POU6F2: variants seen among roughly 807,000 people sequenced by gnomAD.
POU6F2 encodes POU class 6 homeobox 2.
In POU6F2, 31 loss-of-function variants were observed where a neutral mutation model predicts 71.3. The ratio of observed to expected loss-of-function variants is 0.43; its 90% CI spans 0.33 to 0.59. The LOEUF is 0.59. Among genes scored for constraint, POU6F2 ranks in the 20% least tolerant of loss-of-function variants. The pLI, the probability that POU6F2 is intolerant of heterozygous loss-of-function variation, is 0.04. For synonymous variants in POU6F2, 347 were observed against 355.7 expected (o/e 0.98, Z 0.27); for missense variants, 783 against 856.8 (o/e 0.91, Z 1.07).
chr7:39,040,798 T>C (rs1273557668), intron 1 of POU6F2, among the ~76,000 whole-genome samples: 2 of 151,930 alleles, frequency 1.3e-5, no homozygotes, highest in Non-Finnish European at 2.9e-5. Flanking sequence ...AATTACAACA[T>C]GGTACTTTGC....
rs114441139 is a variant in POU6F2 at position 39,250,506 on chromosome 7, A to C, written c.598+42886A>C. Among the ~76,000 whole-genome samples, 408 of 152,260 alleles carry C rather than the reference A, an allele frequency of 2.7e-3. 3 individuals carry two copies. The highest frequency in any genetic ancestry group is 8.6e-3 in the African/African-American group (358 of 41,538). On this transcript the variant is annotated intron_variant, in intron 4 of 9. Transcript: ENST00000518318. ...TTAATAGCCACCTTCCATTTAACCTACTTTGGCCCTGTTTGAGATCTCCTT... is the reference window on the plus strand; with the variant it reads ...TTAATAGCCACCTTCCATTTAACCTCCTTTGGCCCTGTTTGAGATCTCCTT...
At chr7:39,352,733 T>G (rs958753511) in intron 5 of POU6F2, among the ~76,000 whole-genome samples, 4 of 152,188 alleles carry the variant, frequency 2.6e-5, no homozygotes, top group Non-Finnish European at 5.9e-5. Context: ...AAGACAATGG[T>G]TTCCTTTTTT....
At chr7:39,379,204 A>T (rs1485003023) in intron 5 of POU6F2, among the ~76,000 whole-genome samples, 1 of 152,190 alleles carries the variant, frequency 6.6e-6, no homozygotes, top group East Asian at 1.9e-4. Context: ...TCTCGTGGAA[A>T]TACACAACAG....
intron 1 of POU6F2, among the ~76,000 whole-genome samples, chr7:39,008,339 C>G (rs1477904755): frequency 6.6e-6 from 1 of 152,076 alleles, no homozygotes; most frequent in East Asian, 1.9e-4. Context: ...TGAGAAGTGT[C>G]TGTTCATGTC....
intron 4 of POU6F2, among the ~76,000 whole-genome samples, chr7:39,246,686 C>A (rs921157676): frequency 1.3e-5 from 2 of 152,070 alleles, no homozygotes; most frequent in African/African-American, 4.8e-5. Context: ...CAGCTATAAC[C>A]ACCATCCTCA....
intron 1 of POU6F2, among the ~76,000 whole-genome samples, chr7:39,082,608 G>A (rs1269398435): frequency 1.3e-5 from 2 of 151,998 alleles, no homozygotes; most frequent in African/African-American, 2.4e-5. Flanking sequence ...TATGGCTCTT[G>A]GCAGAGAGAG....
At chr7:39,317,888 C>T (rs1023677973) in intron 4 of POU6F2, among the ~76,000 whole-genome samples, 1 of 152,194 alleles carries the variant, frequency 6.6e-6, no homozygotes, top group Admixed American at 6.5e-5. Flanking sequence ...CTCTAATTCT[C>T]ATACATTTGG....
At chr7:39,334,211 A>G (rs1224010140) in intron 4 of POU6F2, among the ~76,000 whole-genome samples, 1 of 152,216 alleles carries the variant, frequency 6.6e-6, no homozygotes, top group Non-Finnish European at 1.5e-5. Context: ...CACTGACCAT[A>G]TGCAAGATGG....
intron 4 of POU6F2, among the ~76,000 whole-genome samples, chr7:39,249,634 A>G (rs1783879476): frequency 6.6e-6 from 1 of 152,234 alleles, no homozygotes; most frequent in African/African-American, 2.4e-5. Flanking sequence ...TTTACAGGAC[A>G]TAAAAAGCAG....
At chr7:39,432,602 G>A (rs73388311) in intron 6 of POU6F2, among the ~76,000 whole-genome samples, 5,175 of 152,108 alleles carry the variant, frequency 0.034, 248 homozygotes, top group African/African-American at 0.11. Context: ...GACATTGAGA[G>A]AGGAGCTGGA....
rs1789093721 is a variant in POU6F2, at chr7:39,007,007, A to AT, written c.105+28950dup. The AT allele has an allele frequency of 8.6e-6, 7 of 809,380 alleles. No homozygotes were observed. The East Asian group carries it at 1.7e-4, about 20-fold the overall frequency. The allele number at this position is 809,380 out of a possible 1,614,324, so 50.1% of individuals were successfully genotyped here. A position where few individuals can be genotyped will look rare whatever the true frequency, so the allele number is the denominator to read the frequency against. ...ATGAGTGAGATTCCCTTATGCTCTG[A>AT]TGTGCTGCTTCTCCAAAACGTTAGA... is the stretch of plus-strand genomic sequence containing the variant. On this transcript the variant is annotated intron_variant, in intron 1 of 9. Coordinates refer to ENST00000518318, the MANE Select transcript of POU6F2 (RefSeq NM_001370959.1).
intron 1 of POU6F2, among the ~76,000 whole-genome samples, chr7:38,988,325 G>T (rs1262106429): frequency 6.6e-6 from 1 of 152,042 alleles, no homozygotes; most frequent in Admixed American, 6.6e-5. Flanking sequence ...TCTGGGTGGA[G>T]CTTGGGTATT....
rs1309124731 is a variant in POU6F2, at chr7:39,315,704, G to A, written c.599-23938G>A. Among the ~76,000 whole-genome samples the A allele has an allele frequency of 2.6e-5, 4 of 152,230 alleles. No individual in the cohort carries two copies. The East Asian group carries it at 7.7e-4, about 29-fold the overall frequency. On this transcript the variant is annotated intron_variant, in intron 4 of 9. Coordinates refer to ENST00000518318, the MANE Select transcript of POU6F2 (RefSeq NM_001370959.1). ...GGATCTCTCCCTTAAGTCCTGGTTG[G>A]AGTCTCCAGTAGCAAGAATGGCAGT... is the stretch of plus-strand genomic sequence containing the variant.
chr7:39,235,402 C>T (rs988028942), intron 4 of POU6F2, among the ~76,000 whole-genome samples: 3 of 152,142 alleles, frequency 2.0e-5, no homozygotes, highest in African/African-American at 7.2e-5. Flanking sequence ...GTTATCATCT[C>T]CATTTCGCTT....
intron 1 of POU6F2, among the ~76,000 whole-genome samples, chr7:39,025,984 A>G (rs944755234): frequency 1.3e-5 from 2 of 152,240 alleles, no homozygotes; most frequent in Non-Finnish European, 2.9e-5. Flanking sequence ...ATGCAGCCAA[A>G]AGACACATGA....
At chr7:39,124,742 C>T (rs1792110538) in intron 2 of POU6F2, among the ~76,000 whole-genome samples, 1 of 152,180 alleles carries the variant, frequency 6.6e-6, no homozygotes, top group South Asian at 2.1e-4. Context: ...CACAGAACAA[C>T]CCTGTTAGTG....
At chr7:39,279,457 A>G (rs554191269) in intron 4 of POU6F2, among the ~76,000 whole-genome samples, 18 of 152,338 alleles carry the variant, frequency 1.2e-4, no homozygotes, top group Admixed American at 9.8e-4. Context: ...ATGAAATAAT[A>G]CATTGTTTTC....
intron 2 of POU6F2, among the ~76,000 whole-genome samples, chr7:39,167,113 C>A (rs1331863966): frequency 6.6e-6 from 1 of 152,086 alleles, no homozygotes; most frequent in Non-Finnish European, 1.5e-5. Flanking sequence ...AAACAAACTT[C>A]ATATGCATAA....
chr7:39,086,029 T>C lies in POU6F2; in HGVS notation c.275T>C (p.Phe92Ser). 6.2e-7 allele frequency: 1 copy of C among 1,613,438 alleles called. No individual in the cohort carries two copies. Among genetic ancestry groups the C allele is most frequent in the East Asian group, 2.2e-5 (1 of 44,820 alleles). The change falls in exon 2 of 10, where the codon TTC becomes TCC. Residue 92 changes from phenylalanine (F) to serine (S), a missense_variant and splice_region_variant. Transcript: ENST00000518318. The part of the protein sequence containing the change: ...NDSEDTPSKL[F>S]GARGNPALSD... ...AGCGAGGACACTCCCAGCAAGCTCT[T>C]CGGTAAGTCTGTCTAGGTATTTCAT...
Sources: gnomAD v4.1 joint callset for allele counts (sites outside exome capture counted in the v4.1 genomes callset) on GRCh38, gnomAD v4.1.1 for gene constraint, MANE v1.5 for transcripts, NCBI Gene and HGNC (gene_info 2026-07-23, HGNC 2026-07-21) for gene names.